PROSER2: variants seen among roughly 807,000 people sequenced by gnomAD.
The protein encoded by PROSER2 is proline and serine rich 2.
In PROSER2, 18 loss-of-function variants were observed where a neutral mutation model predicts 14.6. The observed-to-expected ratio is 1.23, with a 90% CI of 0.85 to 1.83. The LOEUF is 1.83. PROSER2 is among the 40% of genes most tolerant of loss of function. The probability of loss-of-function intolerance (pLI) is 0.00; values close to 1 mark genes in which losing one functional copy is unlikely to be tolerated. For missense variants in PROSER2, 823 were observed against 629.8 expected (o/e 1.31, Z -3.28); for synonymous variants, 367 against 286.4 (o/e 1.28, Z -2.84).
intron 1 of PROSER2, among the ~76,000 whole-genome samples, chr10:11,835,020 T>C (rs778966158): frequency 7.3e-5 from 11 of 150,536 alleles, no homozygotes; most frequent in Non-Finnish European, 1.5e-4. Flanking sequence ...GGCAGGAGAA[T>C]TGTTCAAACC....
intron 1 of PROSER2, among the ~76,000 whole-genome samples, chr10:11,832,971 T>A (rs1833707629): frequency 6.6e-6 from 1 of 151,578 alleles, no homozygotes; most frequent in Non-Finnish European, 1.5e-5. Flanking sequence ...GCCTCCCGAG[T>A]AGCTGGGATT....
rs1834444064 is a variant in PROSER2, at chr10:11,870,040, G to A, written c.942G>A (p.Glu314=). 2.4e-6 allele frequency: 3 copies of A among 1,235,590 alleles called. No individual in the cohort carries two copies. Among genetic ancestry groups the A allele is most frequent in the African/African-American group, 3.2e-5 (2 of 63,082 alleles). 76.5% of individuals were successfully genotyped at this position (1,235,590 alleles called of 1,614,324 possible). The part of the protein sequence containing the change: ...EGAPGGGSSP[E]RVARGRGLPG... ...CCCCAGGGGGCGGCTCCTCCCCGGA[G>A]CGGGTGGCGCGTGGCCGGGGCCTGC... The change falls in exon 4 of 4, where the codon GAG becomes GAA. Residue 314 remains glutamate, a synonymous_variant. Coordinates refer to ENST00000277570, the MANE Select transcript of PROSER2 (RefSeq NM_153256.4).
rs979654288 is a variant in PROSER2, at chr10:11,872,128, C to T, written c.*1722C>T. On this transcript the variant is annotated 3_prime_UTR_variant, in exon 4 of 4. Coordinates refer to ENST00000277570, the MANE Select transcript of PROSER2 (RefSeq NM_153256.4). ...CAATAATAGAAGGTCTTGATACAAC[C>T]GACATTTTAAATATTCTTTATACAT... 19 of 152,184 alleles carry T rather than the reference C, an allele frequency of 1.2e-4. No individual in the cohort carries two copies. The highest frequency in any genetic ancestry group is 4.1e-4 in the African/African-American group (17 of 41,432). 9.4% of individuals were successfully genotyped at this position (152,184 alleles called of 1,614,324 possible).
intron 1 of PROSER2, among the ~76,000 whole-genome samples, chr10:11,834,984 G>A (rs1290752465): frequency 6.6e-6 from 1 of 151,922 alleles, no homozygotes; most frequent in African/African-American, 2.4e-5. Context: ...GCAGGTGCCT[G>A]TAATCCTAGC....
In PROSER2 at chr10:11,866,429, C is replaced by G; in HGVS notation, c.139-102C>G. On this transcript the variant is annotated intron_variant, in intron 2 of 3. Coordinates refer to ENST00000277570, the MANE Select transcript of PROSER2 (RefSeq NM_153256.4). This position sits in a 1 kb window ranked among gnomAD's most constrained non-coding sequence, Gnocchi z 6.0. ...GGTACTCTCGGGACACAGTGAGTTC[C>G]GCCCTGGGCTGTGGACCAATCCCAA... 7.1e-7 allele frequency: 1 copy of G among 1,416,360 alleles called. No individual in the cohort carries two copies. Among genetic ancestry groups the G allele is most frequent in the Non-Finnish European group, 9.7e-7 (1 of 1,030,644 alleles). The allele number at this position is 1,416,360 out of a possible 1,614,324, so 87.7% of individuals were successfully genotyped here.
intron 2 of PROSER2, among the ~76,000 whole-genome samples, chr10:11,863,482 G>A (rs576167596): frequency 2.6e-5 from 4 of 151,720 alleles, no homozygotes; most frequent in African/African-American, 4.9e-5. Context: ...AGGTTACAGC[G>A]AGTCAGGATC....
rs1175925809 is a variant in PROSER2 at position 11,830,996 on chromosome 10, A to C, written c.-82+7526A>C. 6.6e-6 allele frequency among the ~76,000 whole-genome samples: 1 copy of C among 152,200 alleles called. No homozygotes were observed. The highest frequency in any genetic ancestry group is 1.9e-4 in the East Asian group (1 of 5,204). On this transcript the variant is annotated intron_variant, in intron 1 of 3. Transcript: ENST00000277570. This position sits in a 1 kb window ranked among gnomAD's most constrained non-coding sequence, Gnocchi z 4.5. ...CTCGCAAAGGGACTGGTGGAAGATG[A>C]GGTTAAAAGTTTCATGCTTTGGATT...
intron 1 of PROSER2, among the ~76,000 whole-genome samples, chr10:11,840,483 C>G (rs1478383185): frequency 1.3e-5 from 2 of 152,084 alleles, no homozygotes; most frequent in Non-Finnish European, 2.9e-5. Context: ...GGGATTAACT[C>G]TTCTTTATCA....
At chr10:11,851,913 T>G (rs7079717) in intron 1 of PROSER2, 84 bp from the exon 2 acceptor site, 609,824 of 612,188 alleles carry the variant, frequency 1, 303,758 homozygotes, top group East Asian at 1. Context: ...GAGTGGAGAT[T>G]AATCTAAGCC....
intron 2 of PROSER2, among the ~76,000 whole-genome samples, chr10:11,852,953 T>C (rs905147633): frequency 4.6e-5 from 7 of 152,170 alleles, no homozygotes; most frequent in Admixed American, 4.6e-4. Flanking sequence ...TTGGGAACTT[T>C]ACAAAAAGAG....
chr10:11,844,331 G>A (rs1833894740), intron 1 of PROSER2, among the ~76,000 whole-genome samples: 1 of 152,076 alleles, frequency 6.6e-6, no homozygotes, highest in Non-Finnish European at 1.5e-5. Context: ...TTTTCAAAAG[G>A]TAATACATTC....
rs1178463474 is a variant in PROSER2, at chr10:11,856,657, G to A, written c.138+4442G>A. On this transcript the variant is annotated intron_variant, in intron 2 of 3. Coordinates refer to ENST00000277570, the MANE Select transcript of PROSER2 (RefSeq NM_153256.4). This position sits in a 1 kb window ranked among gnomAD's most constrained non-coding sequence, Gnocchi z 5.3. ...CTGTCTCGAATCCCCCTCTCCCTAC[G>A]CCCACAAGTGCTGTGGCCCTGAAGT... Among the ~76,000 whole-genome samples, 3 of 152,078 alleles carry A rather than the reference G, an allele frequency of 2.0e-5. No individual in the cohort carries two copies. Among genetic ancestry groups the A allele is most frequent in the Non-Finnish European group, 4.4e-5 (3 of 68,018 alleles).
intron 3 of PROSER2, among the ~76,000 whole-genome samples, chr10:11,867,002 A>G (rs897221730): frequency 6.6e-6 from 1 of 152,110 alleles, no homozygotes; most frequent in Non-Finnish European, 1.5e-5. Context: ...CGGTGGCTCA[A>G]GCCTGTAATC....
At chr10:11,857,960 G>A (rs1727057149) in intron 2 of PROSER2, among the ~76,000 whole-genome samples, 1 of 151,966 alleles carries the variant, frequency 6.6e-6, no homozygotes, top group Admixed American at 6.6e-5. Flanking sequence ...CCAAGATGGA[G>A]TCTTGCTCTG....
intron 1 of PROSER2, among the ~76,000 whole-genome samples, chr10:11,839,784 C>T (rs1833810637): frequency 6.9e-6 from 1 of 145,016 alleles, no homozygotes; most frequent in Non-Finnish European, 1.5e-5. Flanking sequence ...GAGATCATAC[C>T]ACTGCACTCC....
intron 1 of PROSER2, among the ~76,000 whole-genome samples, chr10:11,835,106 TAAAAAAA>T (rs10556057): frequency 0.25 from 35,071 of 141,778 alleles, 4,359 homozygotes; most frequent in South Asian, 0.33. Context: ...GAATCTGTCT[TAAAAAAA>T]AAAAAAAAAA....
chr10:11,824,226 G>A (rs1030180309), intron 1 of PROSER2, among the ~76,000 whole-genome samples: 3 of 152,124 alleles, frequency 2.0e-5, no homozygotes, highest in Non-Finnish European at 1.5e-5. Context: ...GTTAAAGTGA[G>A]TGAAGGAAAA....
rs1834464605 is a variant in PROSER2 at position 11,870,499 on chromosome 10, G to C, written c.*93G>C. ...CCCAGGAGCTGTTTGGTCTAAAATG[G>C]AAGTGACAGCGGGAGCCCCTGCCCT... On this transcript the variant is annotated 3_prime_UTR_variant, in exon 4 of 4. Coordinates refer to ENST00000277570, the MANE Select transcript of PROSER2 (RefSeq NM_153256.4). 1 of 1,133,088 alleles carries C rather than the reference G, an allele frequency of 8.8e-7. No individual in the cohort carries two copies. The allele number at this position is 1,133,088 out of a possible 1,614,324, so 70.2% of individuals were successfully genotyped here. A position where few individuals can be genotyped will look rare whatever the true frequency, so the allele number is the denominator to read the frequency against.
chr10:11,857,518 G>A (rs889637737), intron 2 of PROSER2: 1 of 152,190 alleles, frequency 6.6e-6, no homozygotes, highest in Non-Finnish European at 1.5e-5. Flanking sequence ...GCCCAGGTGG[G>A]TGGATCATCT....
Sources: gnomAD v4.1 joint callset for allele counts (sites outside exome capture counted in the v4.1 genomes callset) on GRCh38, gnomAD v4.1.1 for gene constraint, Gnocchi (gnomAD v3.1) non-coding constraint, MANE v1.5 for transcripts, NCBI Gene and HGNC (gene_info 2026-07-23, HGNC 2026-07-21) for gene names.